The following GRM2 variants were observed in gnomAD, a reference collection of about 807,000 sequenced individuals.
GRM2 encodes the protein metabotropic glutamate receptor 2.
A neutral mutation model predicts 60.4 loss-of-function variants in GRM2; 35 were observed. The ratio of observed to expected loss-of-function variants is 0.58; its 90% CI spans 0.44 to 0.77. The LOEUF is 0.77. GRM2 is among the 30% of genes least tolerant of loss of function. The pLI, the probability that GRM2 is intolerant of heterozygous loss-of-function variation, is 0.00. For synonymous variants in GRM2, 437 were observed against 484.1 expected (o/e 0.90, Z 1.28); for missense variants, 925 against 1,199.5 (o/e 0.77, Z 3.38).
chr3:51,714,470 G>C (rs564442055), intron 3 of GRM2: 2 of 153,696 alleles, frequency 1.3e-5, no homozygotes, highest in African/African-American at 4.8e-5. Context: ...GGGATGAAGT[G>C]GGGGTGGAGA....
At position 51,715,682 on chromosome 3, in the gene GRM2, CT is replaced by C; in HGVS notation, c.1911del (p.Gly638ValfsTer80). On this transcript the variant is annotated frameshift_variant, in exon 4 of 6. Coordinates refer to ENST00000395052, the MANE Select transcript of GRM2 (RefSeq NM_000839.5). LOFTEE classifies it high-confidence loss of function. The surrounding 1 kb of genome is among the most constrained non-coding windows in gnomAD (Gnocchi z 9.0). ...CACGGCAGTGTGTACCTTACGGCGTCTTGGTTTGGGCACTGCCTTCTCTGTC... is the reference window on the plus strand; with the variant it reads ...CACGGCAGTGTGTACCTTACGGCGTCTGGTTTGGGCACTGCCTTCTCTGTC... Reference protein sequence around the residue: ...PSTAVCTLRRLGLGTAFSVCY... With the variant: ...PSTAVCTLRRXGLGTAFSVCY... 1 of 1,614,274 alleles carries C rather than the reference CT, an allele frequency of 6.2e-7. No homozygotes were observed. Among genetic ancestry groups the C allele is most frequent in the Non-Finnish European group, 8.5e-7 (1 of 1,180,054 alleles).
At position 51,713,726 on chromosome 3, in the gene GRM2, T is replaced by C; in HGVS notation, c.1288+416T>C. On this transcript the variant is annotated intron_variant, in intron 3 of 5. Coordinates refer to ENST00000395052, the MANE Select transcript of GRM2 (RefSeq NM_000839.5). The surrounding 1 kb of genome is among the most constrained non-coding windows in gnomAD (Gnocchi z 4.8). ...CACGGAAAATGTCTTTCTGTCTTTC[T>C]TTTTTCTTTTCTTTCTTTTTTCTTT... The C allele has an allele frequency of 3.9e-6, 1 of 253,630 alleles. No individual in the cohort carries two copies. Among genetic ancestry groups the C allele is most frequent in the East Asian group, 1.1e-4 (1 of 8,838 alleles). The allele number at this position is 253,630 out of a possible 1,614,324, so 15.7% of individuals were successfully genotyped here.
At position 51,712,757 on chromosome 3, in the gene GRM2, G is replaced by A. The variant is rs1280056924; in HGVS notation, c.735G>A (p.Met245Ile). ...VATSEKVGRAMSRAAFEGVVR... is the reference protein window; with the variant it reads ...VATSEKVGRAISRAAFEGVVR... The stretch of plus-strand genomic sequence containing the variant: ...CCTCGGAGAAAGTGGGCCGTGCCAT[G>A]AGCCGCGCGGCCTTTGAGGGTGTGG... Residue 245 changes from methionine (M) to isoleucine (I), a missense_variant, in exon 3 of 6, where the codon ATG becomes ATA. Transcript: ENST00000395052. The surrounding 1 kb of genome is among the most constrained non-coding windows in gnomAD (Gnocchi z 5.3). The A allele has an allele frequency of 6.2e-7, 1 of 1,613,352 alleles. No homozygotes were observed. The highest frequency in any genetic ancestry group is 8.5e-7 in the Non-Finnish European group (1 of 1,180,052).
At chr3:51,711,008 G>A (rs1410910608) in intron 2 of GRM2, among the ~76,000 whole-genome samples, 5 of 152,258 alleles carry the variant, frequency 3.3e-5, no homozygotes, top group Admixed American at 6.5e-5. Context: ...GAGATGGAGA[G>A]GGCCAGGCCC....
In GRM2 at chr3:51,713,194, C is replaced by T. The variant is rs775975235; in HGVS notation, c.1172C>T (p.Ala391Val). 3.1e-6 allele frequency: 5 copies of T among 1,613,022 alleles called. No individual in the cohort carries two copies. Among genetic ancestry groups the T allele is most frequent in the African/African-American group, 1.3e-5 (1 of 74,942 alleles). ...VVNAVYAMAHALHNMHRALCP... is the reference protein window; with the variant it reads ...VVNAVYAMAHVLHNMHRALCP... ...AATGCAGTGTACGCCATGGCCCATG[C>T]GCTCCACAACATGCACCGTGCCCTC... The change falls in exon 3 of 6, where the codon GCG (alanine) becomes GTG (valine). Residue 391 changes from alanine (A) to valine (V), a missense_variant. By Grantham distance (64) the Ala-to-Val change is moderately conservative. Coordinates refer to ENST00000395052, the MANE Select transcript of GRM2 (RefSeq NM_000839.5). The surrounding 1 kb of genome is among the most constrained non-coding windows in gnomAD (Gnocchi z 4.8).
rs772492970 is a variant in GRM2 at position 51,716,183 on chromosome 3, C to T, written c.2364+46C>T. 1 of 1,245,736 alleles carries T rather than the reference C, an allele frequency of 8.0e-7. No individual in the cohort carries two copies. The highest frequency in any genetic ancestry group is 1.3e-5 in the South Asian group (1 of 79,998). 77.2% of individuals were successfully genotyped at this position (1,245,736 alleles called of 1,614,324 possible). Reference sequence around the variant, plus strand: ...GTCGGGGGAGATGGGACACCAGACCCTCTGTTTCCTGGTATCTTATTTAAT... The same window carrying T: ...GTCGGGGGAGATGGGACACCAGACCTTCTGTTTCCTGGTATCTTATTTAAT... On this transcript the variant is annotated intron_variant, in intron 4 of 5. Coordinates refer to ENST00000395052, the MANE Select transcript of GRM2 (RefSeq NM_000839.5). The surrounding 1 kb of genome is among the most constrained non-coding windows in gnomAD (Gnocchi z 4.0).
At chr3:51,714,592 G>A (rs546802763) in intron 3 of GRM2, 147 of 156,692 alleles carry the variant, frequency 9.4e-4, no homozygotes, top group African/African-American at 3.4e-3. Flanking sequence ...GACTAGGGGT[G>A]CTGGAGCTGG....
In GRM2 at chr3:51,717,676, G is replaced by A. The variant is rs1294887398; in HGVS notation, c.2404G>A (p.Gly802Ser). The A allele has an allele frequency of 3.1e-6, 5 of 1,613,904 alleles. No homozygotes were observed. The highest frequency in any genetic ancestry group is 2.2e-5 in the East Asian group (1 of 44,884). Reference sequence around the variant, plus strand: ...CATGTGCGTGTCAGTCAGCCTCAGCGGCTCCGTGGTGCTTGGCTGCCTCTT... The same window carrying A: ...CATGTGCGTGTCAGTCAGCCTCAGCAGCTCCGTGGTGCTTGGCTGCCTCTT... ...TTMCVSVSLS[G>S]SVVLGCLFAP... The change falls in exon 5 of 6, where the codon GGC becomes AGC. Residue 802 changes from glycine (G) to serine (S), a missense_variant. By Grantham distance (56) the Gly-to-Ser change is moderately conservative (BLOSUM62 0). Transcript: ENST00000395052. This position sits in a 1 kb window ranked among gnomAD's most constrained non-coding sequence, Gnocchi z 6.0.
At position 51,713,212 on chromosome 3, in the gene GRM2, G is replaced by A. The variant is rs1455392394; in HGVS notation, c.1190G>A (p.Arg397His). Residue 397 changes from arginine (R) to histidine (H), a missense_variant, in exon 3 of 6, where the codon CGT (arginine) becomes CAT (histidine). Physicochemically the swap from Arg to His is conservative, Grantham distance 29 (BLOSUM62 0). Transcript: ENST00000395052. This position sits in a 1 kb window ranked among gnomAD's most constrained non-coding sequence, Gnocchi z 4.8. The stretch of plus-strand genomic sequence containing the variant: ...GCCCATGCGCTCCACAACATGCACC[G>A]TGCCCTCTGCCCCAACACCACCCGG... ...AMAHALHNMH[R>H]ALCPNTTRLC... is the part of the protein sequence containing the mutation. 9 of 1,613,152 alleles carry A rather than the reference G, an allele frequency of 5.6e-6. No homozygotes were observed. Among genetic ancestry groups the A allele is most frequent in the East Asian group, 4.5e-5 (2 of 44,890 alleles).
intron 2 of GRM2, chr3:51,711,250 G>A (rs1042806411): frequency 7.9e-5 from 12 of 152,234 alleles, no homozygotes; most frequent in African/African-American, 2.9e-4. Context: ...CACTGGAGGT[G>A]GCTAGGCAGC....
At chr3:51,707,732 C>T (rs1398875643) in intron 1 of GRM2, 1 of 152,478 alleles carries the variant, frequency 6.6e-6, no homozygotes, top group African/African-American at 2.4e-5. Flanking sequence ...AATGAAGAGG[C>T]TCAGCCTCCG....
Position 51,715,637 on chromosome 3 carries a change from A to G in GRM2, c.1864A>G (p.Ile622Val). ...GVFLCYCMTF[I>V]FIAKPSTAVC... ...CTTCCTCTGCTACTGCATGACCTTC[A>G]TCTTCATTGCCAAGCCATCCACGGC... Residue 622 changes from isoleucine (I) to valine (V), a missense_variant, in exon 4 of 6, where the codon ATC becomes GTC. Coordinates refer to ENST00000395052, the MANE Select transcript of GRM2 (RefSeq NM_000839.5). The surrounding 1 kb of genome is among the most constrained non-coding windows in gnomAD (Gnocchi z 9.0). 6.2e-7 allele frequency: 1 copy of G among 1,614,152 alleles called. No individual in the cohort carries two copies. The highest frequency in any genetic ancestry group is 8.5e-7 in the Non-Finnish European group (1 of 1,180,010).
chr3:51,709,996 T>C (rs1418699140), intron 2 of GRM2, among the ~76,000 whole-genome samples: 2 of 151,630 alleles, frequency 1.3e-5, no homozygotes, highest in East Asian at 2.0e-4. Context: ...ACTTTTTTTT[T>C]TTTTCTTTTT....
At chr3:51,714,006 A>T (rs1387137722) in intron 3 of GRM2, 1 of 454,104 alleles carries the variant, frequency 2.2e-6, no homozygotes, top group Non-Finnish European at 4.4e-6. Context: ...TTTTAATAAG[A>T]GTGCCAGCTT....
In GRM2 at chr3:51,715,458, G is replaced by A. The variant is rs763200463; in HGVS notation, c.1685G>A (p.Arg562His). The change falls in exon 4 of 6, where the codon CGC becomes CAC. Residue 562 changes from arginine (R) to histidine (H), a missense_variant. Arg to His is a conservative substitution (Grantham distance 29, BLOSUM62 0). Transcript: ENST00000395052. The surrounding 1 kb of genome is among the most constrained non-coding windows in gnomAD (Gnocchi z 9.0). ...TTCGAACTGCCCCAGGAGTACATCC[G>A]CTGGGGCGATGCCTGGGCTGTGGGA... ...GCFELPQEYIRWGDAWAVGPV... is the reference protein window; with the variant it reads ...GCFELPQEYIHWGDAWAVGPV... 1.2e-5 allele frequency: 20 copies of A among 1,612,692 alleles called. No individual in the cohort carries two copies. The highest frequency in any genetic ancestry group is 2.2e-5 in the East Asian group (1 of 44,882).
intron 2 of GRM2, among the ~76,000 whole-genome samples, chr3:51,710,199 G>A (rs1424420856): frequency 6.6e-6 from 1 of 151,904 alleles, no homozygotes; most frequent in Non-Finnish European, 1.5e-5. Context: ...TCACCACGTT[G>A]GTCAGGCTGG....
chr3:51,709,925 A>G (rs1202996238), intron 2 of GRM2, among the ~76,000 whole-genome samples: 1 of 145,922 alleles, frequency 6.9e-6, no homozygotes, highest in Non-Finnish European at 1.5e-5. Flanking sequence ...CTGCATGACC[A>G]TGGCACGTTA....
At position 51,715,203 on chromosome 3, in the gene GRM2, G is replaced by T. The variant is rs1471199029; in HGVS notation, c.1430G>T (p.Gly477Val). Residue 477 changes from glycine to valine, a missense_variant, in exon 4 of 6, where the codon GGC (glycine) becomes GTC (valine). By Grantham distance (109) the Gly-to-Val change is moderately radical (BLOSUM62 -3). Coordinates refer to ENST00000395052, the MANE Select transcript of GRM2 (RefSeq NM_000839.5). This position sits in a 1 kb window ranked among gnomAD's most constrained non-coding sequence, Gnocchi z 9.0. ...RYQKVGYWAE[G>V]LTLDTSLIPW... ...CAGAAGGTGGGCTACTGGGCAGAAG[G>T]CTTGACTCTGGACACCAGCCTCATC... The T allele has an allele frequency of 6.2e-7, 1 of 1,613,942 alleles. No individual in the cohort carries two copies. The highest frequency in any genetic ancestry group is 2.2e-5 in the East Asian group (1 of 44,874).
In GRM2 at chr3:51,715,602, T is replaced by C. The variant is rs1559696788; in HGVS notation, c.1829T>C (p.Leu610Pro). Residue 610 changes from leucine (L) to proline (P), a missense_variant, in exon 4 of 6, where the codon CTG becomes CCG. By Grantham distance (98) the Leu-to-Pro change is moderately conservative. Coordinates refer to ENST00000395052, the MANE Select transcript of GRM2 (RefSeq NM_000839.5). The surrounding 1 kb of genome is among the most constrained non-coding windows in gnomAD (Gnocchi z 9.0). ...ASGRELCYIL[L>P]GGVFLCYCMT... ...GGTCGGGAGCTCTGCTACATCCTGC[T>C]GGGTGGTGTCTTCCTCTGCTACTGC... The C allele has an allele frequency of 5.6e-6, 9 of 1,614,240 alleles. No individual in the cohort carries two copies. The highest frequency in any genetic ancestry group is 5.9e-6 in the Non-Finnish European group (7 of 1,180,026).
Sources: allele counts gnomAD v4.1 joint callset (sites outside exome capture counted in the v4.1 genomes callset), GRCh38; gene constraint gnomAD v4.1.1; non-coding constraint Gnocchi (gnomAD v3.1); transcripts MANE v1.5; gene names NCBI Gene and HGNC (gene_info 2026-07-23, HGNC 2026-07-21).